CNTNAP2: variants seen among roughly 807,000 people sequenced by gnomAD.
CNTNAP2 encodes contactin-associated protein-like 2.
Under a neutral mutation model 155.2 loss-of-function variants are expected in CNTNAP2, and 98 were observed. The observed-to-expected ratio is 0.63, with a 90% confidence interval of 0.54 to 0.75. CNTNAP2 has a LOEUF of 0.75. Among genes scored for constraint, CNTNAP2 ranks in the 30% least tolerant of loss-of-function variants. The probability of loss-of-function intolerance (pLI) is 0.00; values close to 1 mark genes in which losing one functional copy is unlikely to be tolerated. For missense variants in CNTNAP2, 1,727 were observed against 1,688.1 expected (o/e 1.02, Z -0.40); for synonymous variants, 651 against 631.2 (o/e 1.03, Z -0.47).
At chr7:146,493,856 G>T (rs1797174101) in intron 1 of CNTNAP2, among the ~76,000 whole-genome samples, 1 of 152,036 alleles carries the variant, frequency 6.6e-6, no homozygotes, top group Non-Finnish European at 1.5e-5. Context: ...ATTAAATTAG[G>T]TATTATTTGC....
chr7:148,366,256 G>GTGTATA, intron 21 of CNTNAP2, among the ~76,000 whole-genome samples: 1 of 114,670 alleles, frequency 8.7e-6, no homozygotes, highest in Admixed American at 8.9e-5. Context: ...ATGTATATAT[G>GTGTATA]TGTGTATATG....
At chr7:148,035,885 A>G (rs1213418261) in intron 15 of CNTNAP2, among the ~76,000 whole-genome samples, 2 of 151,818 alleles carry the variant, frequency 1.3e-5, no homozygotes, top group Non-Finnish European at 2.9e-5. Flanking sequence ...CCCAACCTCA[A>G]CTCCAGTGTG....
chr7:147,867,694 A>G (rs1351072080), intron 13 of CNTNAP2, among the ~76,000 whole-genome samples: 1 of 151,986 alleles, frequency 6.6e-6, no homozygotes, highest in Non-Finnish European at 1.5e-5. Flanking sequence ...TTATTTCATT[A>G]ATTTGATCTT....
intron 1 of CNTNAP2, among the ~76,000 whole-genome samples, chr7:146,336,058 G>C (rs532455303): frequency 7.2e-5 from 11 of 152,016 alleles, no homozygotes; most frequent in African/African-American, 2.7e-4. Flanking sequence ...AATTAGCCAG[G>C]TGTGGTGGCA....
intron 13 of CNTNAP2, among the ~76,000 whole-genome samples, chr7:147,650,770 C>T (rs1795437935): frequency 6.6e-6 from 1 of 151,876 alleles, no homozygotes; most frequent in Admixed American, 6.6e-5. Flanking sequence ...GGGTTGGTGC[C>T]CCAACCCCTG....
intron 15 of CNTNAP2, among the ~76,000 whole-genome samples, chr7:147,986,274 T>C (rs756681733): frequency 4.6e-5 from 7 of 152,196 alleles, no homozygotes; most frequent in Admixed American, 2.0e-4. Flanking sequence ...TCAGCCCTCA[T>C]GCTTTTGCAA....
rs1584779768 is a variant in CNTNAP2 at position 147,186,870 on chromosome 7, T to TGGTGAAG, written c.1348+54361_1348+54362insGGTGAAG. Among the ~76,000 whole-genome samples the TGGTGAAG allele has an allele frequency of 6.9e-4, 66 of 96,074 alleles. 2 individuals carry two copies. The highest frequency in any genetic ancestry group is 2.8e-3 in the South Asian group (8 of 2,828). The allele number at this position is 96,074 out of a possible 152,430, so 63.0% of individuals were successfully genotyped here. ...TGGTCCAGTTGAAGAAGGCACTTGA[T>TGGTGAAG]CTTTTCGGGCTGACCAGTAGGTCTT... On this transcript the variant is annotated intron_variant, in intron 8 of 23. Transcript: ENST00000361727.
chr7:146,339,892 G>A (rs1801346129), intron 1 of CNTNAP2, among the ~76,000 whole-genome samples: 1 of 151,976 alleles, frequency 6.6e-6, no homozygotes, highest in African/African-American at 2.4e-5. Context: ...GAAATACAGC[G>A]GGGCATGGTG....
At chr7:147,586,869 C>T (rs1158521201) in intron 12 of CNTNAP2, among the ~76,000 whole-genome samples, 1 of 152,120 alleles carries the variant, frequency 6.6e-6, no homozygotes, top group Non-Finnish European at 1.5e-5. Flanking sequence ...TGTGGCCTGG[C>T]AACAGAGTCT....
chr7:147,952,704 A>G (rs1458898985), intron 14 of CNTNAP2, among the ~76,000 whole-genome samples: 1 of 152,182 alleles, frequency 6.6e-6, no homozygotes, highest in Non-Finnish European at 1.5e-5. Flanking sequence ...GCACATACAC[A>G]CACAGACACG....
intron 10 of CNTNAP2, among the ~76,000 whole-genome samples, chr7:147,441,309 A>G (rs993101767): frequency 1.3e-5 from 2 of 152,012 alleles, no homozygotes; most frequent in Admixed American, 1.3e-4. Context: ...TAACTTTTTA[A>G]TTATCTCAAT....
At chr7:147,965,868 G>T (rs1166797154) in intron 14 of CNTNAP2, among the ~76,000 whole-genome samples, 1 of 152,048 alleles carries the variant, frequency 6.6e-6, no homozygotes, top group East Asian at 1.9e-4. Flanking sequence ...TTTCATTGTT[G>T]TAGCTGAGGT....
chr7:148,298,225 G>A (rs1797320830), intron 21 of CNTNAP2, among the ~76,000 whole-genome samples: 1 of 152,126 alleles, frequency 6.6e-6, no homozygotes, highest in Non-Finnish European at 1.5e-5. Context: ...TGGTGCTAGT[G>A]GATGGTGGGG....
chr7:146,440,429 T>G (rs1186376740), intron 1 of CNTNAP2, among the ~76,000 whole-genome samples: 2 of 151,522 alleles, frequency 1.3e-5, no homozygotes, highest in Non-Finnish European at 2.9e-5. Context: ...ACATTCAACT[T>G]AAAATCCAAA....
intron 1 of CNTNAP2, among the ~76,000 whole-genome samples, chr7:146,769,697 T>G (rs951919238): frequency 6.6e-6 from 1 of 152,134 alleles, no homozygotes; most frequent in Non-Finnish European, 1.5e-5. Context: ...TTCCTTCATA[T>G]TTGTTATACT....
intron 1 of CNTNAP2, among the ~76,000 whole-genome samples, chr7:146,351,619 TA>T (rs1189433766): frequency 1.3e-5 from 2 of 152,224 alleles, no homozygotes; most frequent in African/African-American, 4.8e-5. Flanking sequence ...TTAATTTTTT[TA>T]CTTTATGTTC....
intron 1 of CNTNAP2, among the ~76,000 whole-genome samples, chr7:146,309,242 G>A (rs1454098676): frequency 1.3e-5 from 2 of 152,114 alleles, no homozygotes; most frequent in African/African-American, 4.8e-5. Context: ...GGATTTTGCT[G>A]GACTTTCAGA....
At chr7:148,140,579 C>T (rs1329479968) in intron 16 of CNTNAP2, among the ~76,000 whole-genome samples, 16 of 152,194 alleles carry the variant, frequency 1.1e-4, no homozygotes, top group East Asian at 7.7e-4. Context: ...TCTGCCACCA[C>T]GCCCAGCTAA....
intron 1 of CNTNAP2, among the ~76,000 whole-genome samples, chr7:146,574,015 C>G (rs1338903672): frequency 6.6e-6 from 1 of 152,034 alleles, no homozygotes; most frequent in Non-Finnish European, 1.5e-5. Flanking sequence ...TCTGGATACG[C>G]CATTTAACAA....
Sources: gnomAD v4.1 joint callset for allele counts (sites outside exome capture counted in the v4.1 genomes callset) on GRCh38, gnomAD v4.1.1 for gene constraint, MANE v1.5 for transcripts, NCBI Gene and HGNC (gene_info 2026-07-23, HGNC 2026-07-21) for gene names.